SRD5A2: variants seen among roughly 807,000 people sequenced by gnomAD.
SRD5A2 encodes 3-oxo-5-alpha-steroid 4-dehydrogenase 2.
In SRD5A2, 30 loss-of-function variants were observed where a neutral mutation model predicts 27.4. That is an observed-to-expected ratio of 1.10 (90% CI 0.82 to 1.49). SRD5A2 has a LOEUF of 1.49. SRD5A2 is among the 40% of genes most tolerant of loss of function. The pLI is 0.00. For missense variants in SRD5A2, 348 were observed against 323.4 expected, an observed-to-expected ratio of 1.08 and a Z score of -0.58; for synonymous variants, 141 against 133.6, an observed-to-expected ratio of 1.06 and a Z score of -0.38.
At chr2:31,652,553 A>G in the SRD5A2 span, among the ~76,000 whole-genome samples, 1 of 152,334 alleles carries the variant, frequency 6.6e-6, no homozygotes, top group South Asian at 2.1e-4. Flanking sequence ...AAACAAGAAC[A>G]GTTATGAAAA....
At chr2:31,633,625 C>T in the SRD5A2 span, among the ~76,000 whole-genome samples, 1 of 152,092 alleles carries the variant, frequency 6.6e-6, no homozygotes, top group African/African-American at 2.4e-5. Context: ...TCGAAGGCAC[C>T]CCTCCCGAGG....
At chr2:31,633,034 G>A in the SRD5A2 span, among the ~76,000 whole-genome samples, 1 of 152,022 alleles carries the variant, frequency 6.6e-6, no homozygotes, top group Admixed American at 6.6e-5. Context: ...GCCGGGGTCA[G>A]GAGAAAGGAA....
chr2:31,650,583 A>T, the SRD5A2 span, among the ~76,000 whole-genome samples: 7 of 152,292 alleles, frequency 4.6e-5, no homozygotes, highest in South Asian at 2.1e-4. Context: ...GTAAACCATC[A>T]CCCTCTCACT....
the SRD5A2 span, among the ~76,000 whole-genome samples, chr2:31,604,113 G>A: frequency 4.0e-5 from 6 of 151,756 alleles, no homozygotes; most frequent in South Asian, 1.3e-3. Context: ...CAAAAACTGG[G>A]TATAGAAGGA....
the SRD5A2 span, among the ~76,000 whole-genome samples, chr2:31,598,345 G>A: frequency 6.6e-6 from 1 of 151,952 alleles, no homozygotes; most frequent in Non-Finnish European, 1.5e-5. Context: ...AATGGGTGCA[G>A]TGTACCCTGC....
the SRD5A2 span, among the ~76,000 whole-genome samples, chr2:31,635,574 G>C: frequency 4.0e-5 from 6 of 151,838 alleles, no homozygotes; most frequent in Non-Finnish European, 8.8e-5. Flanking sequence ...AATCCCAATT[G>C]TCTCTTTTAC....
At position 31,567,460 on chromosome 2, in the gene SRD5A2, A is replaced by G. The variant is rs62141250; in HGVS notation, c.281+13160T>C. ...TGTGTGTGTGTGTGTGTGTGTGTAT[A>G]TATATATATATATCTACCAGTGCAG... On this transcript the variant is annotated intron_variant, in intron 1 of 4. Coordinates refer to ENST00000622030, the MANE Select transcript of SRD5A2 (RefSeq NM_000348.4). Among the ~76,000 whole-genome samples, 10 of 140,000 alleles carry G rather than the reference A, an allele frequency of 7.1e-5. No individual in the cohort carries two copies. The South Asian group carries it at 1.4e-3, about 19-fold the overall frequency. The allele number at this position is 140,000 out of a possible 152,430, so 91.8% of individuals were successfully genotyped here.
At chr2:31,615,843 C>A in the SRD5A2 span, among the ~76,000 whole-genome samples, 2 of 152,186 alleles carry the variant, frequency 1.3e-5, no homozygotes, top group African/African-American at 4.8e-5. Context: ...ATGGGCCAGA[C>A]CCAGGGCCAC....
the SRD5A2 span, among the ~76,000 whole-genome samples, chr2:31,625,458 T>C: frequency 6.6e-6 from 1 of 152,210 alleles, no homozygotes; most frequent in African/African-American, 2.4e-5. Flanking sequence ...TGAATGGTAT[T>C]GCCTAGGTTT....
In SRD5A2 at chr2:31,535,770, G is replaced by A. The variant is rs193099156; in HGVS notation, c.282-2004C>T. ...CAAAACACAAATACACACAACAAGAGAAAGGAAATTGAGTCTCTAATACCA... is the reference window on the plus strand; with the variant it reads ...CAAAACACAAATACACACAACAAGAAAAAGGAAATTGAGTCTCTAATACCA... On this transcript the variant is annotated intron_variant, in intron 1 of 4. Coordinates refer to ENST00000622030, the MANE Select transcript of SRD5A2 (RefSeq NM_000348.4). Among the ~76,000 whole-genome samples, 178 of 152,248 alleles carry A rather than the reference G, an allele frequency of 1.2e-3. 1 individual carries two copies. The Middle Eastern group carries it at 0.02, about 17-fold the overall frequency.
At chr2:31,543,592 A>T (rs1666181239) in intron 1 of SRD5A2, among the ~76,000 whole-genome samples, 1 of 152,222 alleles carries the variant, frequency 6.6e-6, no homozygotes, top group Admixed American at 6.5e-5. Flanking sequence ...CACATGATAT[A>T]TAAAGTTGCA....
At chr2:31,553,326 G>A (rs1666418977) in intron 1 of SRD5A2, among the ~76,000 whole-genome samples, 1 of 152,084 alleles carries the variant, frequency 6.6e-6, no homozygotes, top group African/African-American at 2.4e-5. Context: ...ATTCTAGAAG[G>A]AAAGCAGAGA....
At chr2:31,644,074 C>A in the SRD5A2 span, among the ~76,000 whole-genome samples, 2 of 152,100 alleles carry the variant, frequency 1.3e-5, no homozygotes, top group African/African-American at 4.8e-5. Context: ...CCATCACAAC[C>A]AAGTGATCAA....
chr2:31,643,508 G>A, the SRD5A2 span, among the ~76,000 whole-genome samples: 1 of 151,800 alleles, frequency 6.6e-6, no homozygotes. Flanking sequence ...GTCTCCTGAG[G>A]GGGCATAGGA....
upstream of SRD5A2, among the ~76,000 whole-genome samples, chr2:31,583,409 G>A (rs1212217323): frequency 6.6e-6 from 1 of 152,050 alleles, no homozygotes; most frequent in Non-Finnish European, 1.5e-5. Flanking sequence ...ATGGTAAAGG[G>A]CAGGGATATA....
the SRD5A2 span, among the ~76,000 whole-genome samples, chr2:31,661,675 G>A: frequency 2.0e-5 from 3 of 152,076 alleles, no homozygotes; most frequent in Non-Finnish European, 2.9e-5. Context: ...TACCCTGTTC[G>A]GGATTCTCCA....
At chr2:31,589,614 C>A in the SRD5A2 span, among the ~76,000 whole-genome samples, 2 of 152,166 alleles carry the variant, frequency 1.3e-5, no homozygotes, top group Non-Finnish European at 2.9e-5. Context: ...CATTCCTGGC[C>A]TCATCTCACA....
Position 31,523,331 on chromosome 2 carries a change from G to A in SRD5A2, c.*2865C>T, listed in dbSNP as rs1665699821. On this transcript the variant is annotated 3_prime_UTR_variant, in exon 5 of 5. Coordinates refer to ENST00000622030, the MANE Select transcript of SRD5A2 (RefSeq NM_000348.4). ...AACTATGCAACAGCACTTAAGCTCT[G>A]GCTATTTTTCTCCTGCATGAGCTCT... is the stretch of plus-strand genomic sequence containing the variant. 4.7e-6 allele frequency: 1 copy of A among 213,642 alleles called. No homozygotes were observed. The highest frequency in any genetic ancestry group is 2.3e-5 in the African/African-American group (1 of 44,202). The allele number at this position is 213,642 out of a possible 1,614,324, so 13.2% of individuals were successfully genotyped here.
the SRD5A2 span, among the ~76,000 whole-genome samples, chr2:31,654,558 C>A: frequency 6.6e-6 from 1 of 152,150 alleles, no homozygotes; most frequent in Non-Finnish European, 1.5e-5. Context: ...AGTTAAGTAG[C>A]ATTCCTTTGT....
Sources: gnomAD v4.1 joint callset for allele counts (sites outside exome capture counted in the v4.1 genomes callset) on GRCh38, gnomAD v4.1.1 for gene constraint, MANE v1.5 for transcripts, NCBI Gene and HGNC (gene_info 2026-07-23, HGNC 2026-07-21) for gene names.